The following BTBD9 variants were observed in gnomAD, a reference collection of about 807,000 sequenced individuals.
The protein encoded by BTBD9 is BTB/POZ domain-containing protein 9.
In BTBD9, 49 loss-of-function variants were observed where a neutral mutation model predicts 64.3. The ratio of observed to expected loss-of-function variants is 0.76; its 90% CI spans 0.61 to 0.97. The LOEUF (loss-of-function observed/expected upper bound fraction) is 0.97. Among genes scored for constraint, BTBD9 ranks in the 50% least tolerant of loss-of-function variants. The probability of loss-of-function intolerance (pLI) is 0.00; values close to 1 mark genes in which losing one functional copy is unlikely to be tolerated. For missense variants in BTBD9, 598 were observed against 762.1 expected (o/e 0.78, Z 2.53); for synonymous variants, 260 against 274.7 (o/e 0.95, Z 0.53).
chr6:38,628,289 C>A (rs552904281), intron 1 of BTBD9, among the ~76,000 whole-genome samples: 1 of 152,052 alleles, frequency 6.6e-6, no homozygotes, highest in Non-Finnish European at 1.5e-5. Flanking sequence ...AATAACATAA[C>A]CACACAGAAG....
chr6:38,450,252 G>A (rs1769463687), intron 6 of BTBD9, among the ~76,000 whole-genome samples: 1 of 152,204 alleles, frequency 6.6e-6, no homozygotes, highest in African/African-American at 2.4e-5. Flanking sequence ...GATTACCAGA[G>A]GCTGCGGTGT....
chr6:38,409,865 G>C (rs528859000), intron 6 of BTBD9, among the ~76,000 whole-genome samples: 2 of 151,910 alleles, frequency 1.3e-5, no homozygotes, highest in Non-Finnish European at 2.9e-5. Flanking sequence ...AATAAAATAT[G>C]TGAGCTTATG....
At chr6:38,325,352 G>A (rs564720826) in intron 7 of BTBD9, among the ~76,000 whole-genome samples, 1 of 152,260 alleles carries the variant, frequency 6.6e-6, no homozygotes, top group African/African-American at 2.4e-5. Context: ...TGGCATATAC[G>A]ATTAACACAG....
chr6:38,422,947 G>A (rs143020022), intron 6 of BTBD9, among the ~76,000 whole-genome samples: 233 of 152,156 alleles, frequency 1.5e-3, no homozygotes, highest in African/African-American at 5.3e-3. Context: ...TACATAGTGA[G>A]ACCTCATCTC....
chr6:38,238,227 A>T (rs188723456), intron 9 of BTBD9, among the ~76,000 whole-genome samples: 1 of 152,332 alleles, frequency 6.6e-6, no homozygotes, highest in East Asian at 1.9e-4. Context: ...AACCCTCAGG[A>T]GGTCCTGAGA....
intron 6 of BTBD9, among the ~76,000 whole-genome samples, chr6:38,546,894 C>G (rs756264775): frequency 3.3e-5 from 5 of 152,120 alleles, no homozygotes; most frequent in Non-Finnish European, 5.9e-5. Flanking sequence ...TCTCGAACTC[C>G]CGACCTCAGG....
chr6:38,621,762 G>A (rs1281873129), intron 1 of BTBD9, among the ~76,000 whole-genome samples: 2 of 152,192 alleles, frequency 1.3e-5, no homozygotes, highest in Non-Finnish European at 2.9e-5. Flanking sequence ...CCAAGGAGGT[G>A]GCAGTCATAC....
intron 6 of BTBD9, among the ~76,000 whole-genome samples, chr6:38,470,451 A>ACT (rs1770600378): frequency 2.0e-5 from 3 of 152,198 alleles, no homozygotes; most frequent in Non-Finnish European, 4.4e-5. Flanking sequence ...CTGGATTATA[A>ACT]CTCAGGGAAT....
chr6:38,458,897 T>C (rs1000959137), intron 6 of BTBD9, among the ~76,000 whole-genome samples: 1 of 152,238 alleles, frequency 6.6e-6, no homozygotes, highest in African/African-American at 2.4e-5. Context: ...TTTATGAGCA[T>C]CTTTGCCAGT....
intron 4 of BTBD9, chr6:38,587,748 T>C (rs1285516768): frequency 2.9e-6 from 2 of 688,450 alleles, no homozygotes; most frequent in East Asian, 5.9e-5. Context: ...AAAATGTTAC[T>C]GTGAATGGTA....
intron 6 of BTBD9, among the ~76,000 whole-genome samples, chr6:38,360,601 T>C (rs1164885027): frequency 2.0e-5 from 3 of 151,984 alleles, no homozygotes; most frequent in Non-Finnish European, 2.9e-5. Flanking sequence ...GACTGCTAAG[T>C]ATTGAAAGAT....
intron 8 of BTBD9, among the ~76,000 whole-genome samples, chr6:38,261,671 G>T (rs1764799173): frequency 6.6e-6 from 1 of 152,082 alleles, no homozygotes; most frequent in Non-Finnish European, 1.5e-5. Flanking sequence ...ATTTTTATTA[G>T]CCTAGTCTAT....
At chr6:38,335,507 C>T (rs1763857411) in intron 7 of BTBD9, among the ~76,000 whole-genome samples, 1 of 152,212 alleles carries the variant, frequency 6.6e-6, no homozygotes, top group East Asian at 1.9e-4. Context: ...CCTGCTTTAG[C>T]TTCCCAAACT....
At chr6:38,617,575 T>C (rs953552982) in intron 1 of BTBD9, among the ~76,000 whole-genome samples, 3 of 152,232 alleles carry the variant, frequency 2.0e-5, no homozygotes, top group African/African-American at 7.2e-5. Flanking sequence ...GGGTACTATC[T>C]GGAATTTTAG....
At chr6:38,199,646 G>A (rs1762388376) in intron 9 of BTBD9, among the ~76,000 whole-genome samples, 2 of 152,146 alleles carry the variant, frequency 1.3e-5, no homozygotes. Context: ...AGGTCTCTTG[G>A]GTAAGGTGAC....
chr6:38,420,159 A>G (rs909144390), intron 6 of BTBD9, among the ~76,000 whole-genome samples: 1 of 152,200 alleles, frequency 6.6e-6, no homozygotes, highest in African/African-American at 2.4e-5. Context: ...TAATACTAAT[A>G]ATGCCAATTT....
intron 10 of BTBD9, among the ~76,000 whole-genome samples, chr6:38,183,081 G>A (rs990225537): frequency 6.6e-6 from 1 of 151,730 alleles, no homozygotes; most frequent in Admixed American, 6.6e-5. Flanking sequence ...CCGGGTTCAT[G>A]CCATTCTCCT....
At chr6:38,498,491 C>G (rs542213105) in intron 6 of BTBD9, among the ~76,000 whole-genome samples, 27 of 145,828 alleles carry the variant, frequency 1.9e-4, no homozygotes, top group South Asian at 4.3e-4. Context: ...CAAGAAGTAA[C>G]CCAGAAAAGG....
At position 38,499,850 on chromosome 6, in the gene BTBD9, T is replaced by C. The variant is rs575936007; in HGVS notation, c.1154+77750A>G. ...TTCTGTTGACATCTTGTTCCTGCTT[T>C]CAAACAACCAGGTATGTTACATATG... On this transcript the variant is annotated intron_variant, in intron 6 of 10. Transcript: ENST00000481247. 2.0e-5 allele frequency among the ~76,000 whole-genome samples: 3 copies of C among 152,318 alleles called. No individual in the cohort carries two copies. The East Asian group carries it at 5.8e-4, about 29-fold the overall frequency.
Sources: allele counts gnomAD v4.1 joint callset (sites outside exome capture counted in the v4.1 genomes callset), GRCh38; gene constraint gnomAD v4.1.1; transcripts MANE v1.5; gene names NCBI Gene and HGNC (gene_info 2026-07-23, HGNC 2026-07-21).